GBE1: variants seen among roughly 807,000 people sequenced by gnomAD.
The protein encoded by GBE1 is 1,4-alpha-glucan branching enzyme 1.
Under a neutral mutation model 88.8 loss-of-function variants are expected in GBE1, and 70 were observed. The ratio of observed to expected loss-of-function variants is 0.79; its 90% CI spans 0.65 to 0.96. GBE1 has a LOEUF of 0.96. Ranked by LOEUF, GBE1 falls within the 40% of genes least tolerant of loss-of-function variation. The pLI is 0.00. For missense variants in GBE1, 872 were observed against 871.0 expected (o/e 1.00, Z -0.01); for synonymous variants, 284 against 300.1 (o/e 0.95, Z 0.56).
chr3:81,649,942 T>G, intron 3 of GBE1, 21 bp from the exon 4 acceptor site: 1 of 1,587,410 alleles, frequency 6.3e-7, no homozygotes, highest in Non-Finnish European at 8.6e-7. Context: ...AATGACATGT[T>G]ATTGCTTTAA....
At chr3:81,726,051 C>CT (rs113893173) in intron 1 of GBE1, among the ~76,000 whole-genome samples, 4,613 of 145,686 alleles carry the variant, frequency 0.032, 221 homozygotes, top group African/African-American at 0.099. Flanking sequence ...ATCAATAGGC[C>CT]TTTTTTTTTT....
Position 81,750,659 on chromosome 3 carries a change from G to GTATATA in GBE1, c.143+10710_143+10715dup, listed in dbSNP as rs1553696645. ...TATATATATATGTATATATATATAT[G>GTATATA]TATATATATATATACGTATATATAT... On this transcript the variant is annotated intron_variant, in intron 1 of 15. Coordinates refer to ENST00000429644, the MANE Select transcript of GBE1 (RefSeq NM_000158.4). 1.2e-3 allele frequency among the ~76,000 whole-genome samples: 42 copies of GTATATA among 35,296 alleles called. 2 individuals are homozygous for GTATATA. The East Asian group carries it at 0.018, about 15-fold the overall frequency. 23.2% of individuals were successfully genotyped at this position (35,296 alleles called of 152,430 possible).
At chr3:81,688,398 C>T (rs191533633) in intron 2 of GBE1, among the ~76,000 whole-genome samples, 16 of 152,028 alleles carry the variant, frequency 1.1e-4, no homozygotes, top group African/African-American at 3.9e-4. Context: ...CAGAATCACC[C>T]ACAGAATAAG....
chr3:81,750,538 CGTATATATATATGTATATAT>C (rs1706484078), intron 1 of GBE1, among the ~76,000 whole-genome samples: 1 of 67,830 alleles, frequency 1.5e-5, no homozygotes, highest in South Asian at 3.7e-4. Context: ...TATATATATA[CGTATATATATATGTATATAT>C]ATATGTATAT....
At chr3:81,618,843 T>A (rs535051458) in intron 7 of GBE1, among the ~76,000 whole-genome samples, 3 of 152,136 alleles carry the variant, frequency 2.0e-5, no homozygotes, top group East Asian at 3.8e-4. Flanking sequence ...TTATTGATGT[T>A]CCTTTAGTGA....
intron 1 of GBE1, among the ~76,000 whole-genome samples, chr3:81,740,055 T>A (rs1037869939): frequency 1.3e-4 from 20 of 151,736 alleles, no homozygotes; most frequent in African/African-American, 4.8e-4. Context: ...CAAGACCCCA[T>A]CTCTACAAAA....
intron 7 of GBE1, chr3:81,612,171 G>T (rs746410001): frequency 1.3e-5 from 4 of 297,288 alleles, no homozygotes; most frequent in East Asian, 9.0e-5. Flanking sequence ...TCAAGATTAC[G>T]TATCTACTAA....
At chr3:81,532,158 G>T (rs1703018566) in intron 14 of GBE1, among the ~76,000 whole-genome samples, 1 of 151,766 alleles carries the variant, frequency 6.6e-6, no homozygotes, top group East Asian at 2.0e-4. Flanking sequence ...GTGCCTCTTT[G>T]CTTGAAATAA....
chr3:81,588,181 GT>G (rs1354093437), intron 9 of GBE1, among the ~76,000 whole-genome samples: 3 of 151,234 alleles, frequency 2.0e-5, no homozygotes, highest in Admixed American at 2.0e-4. Flanking sequence ...AAAATAAAAT[GT>G]TTGCCAGTAA....
At chr3:81,624,798 G>C (rs1291345134) in intron 7 of GBE1, among the ~76,000 whole-genome samples, 1 of 152,088 alleles carries the variant, frequency 6.6e-6, no homozygotes, top group Non-Finnish European at 1.5e-5. Flanking sequence ...GGATGTTAAT[G>C]TACCCTGCAG....
At chr3:81,724,813 C>A (rs1471819094) in intron 1 of GBE1, among the ~76,000 whole-genome samples, 2 of 151,910 alleles carry the variant, frequency 1.3e-5, no homozygotes, top group East Asian at 3.9e-4. Flanking sequence ...ATATCTAAGC[C>A]CTCTAAAATA....
At chr3:81,536,235 C>T (rs377720934) in intron 13 of GBE1, among the ~76,000 whole-genome samples, 9 of 151,270 alleles carry the variant, frequency 5.9e-5, no homozygotes, top group Non-Finnish European at 1.2e-4. Flanking sequence ...ATCATAGACA[C>T]CAAAGTAAAA....
At chr3:81,592,903 C>A (rs1218494306) in intron 8 of GBE1, among the ~76,000 whole-genome samples, 1 of 152,172 alleles carries the variant, frequency 6.6e-6, no homozygotes, top group Non-Finnish European at 1.5e-5. Context: ...TTCCCAGGAA[C>A]ATTTCAAGTG....
At chr3:81,533,838 G>GT (rs1703039961) in intron 14 of GBE1, among the ~76,000 whole-genome samples, 3 of 152,034 alleles carry the variant, frequency 2.0e-5, no homozygotes, top group African/African-American at 4.8e-5. Flanking sequence ...GAAGGTGGGT[G>GT]ACACTTGGAG....
At chr3:81,548,828 T>C (rs886460571) in intron 12 of GBE1, among the ~76,000 whole-genome samples, 2 of 150,958 alleles carry the variant, frequency 1.3e-5, no homozygotes, top group Non-Finnish European at 3.0e-5. Flanking sequence ...ACTAAACTAA[T>C]GTAAGATTAA....
intron 12 of GBE1, among the ~76,000 whole-genome samples, chr3:81,539,214 T>C (rs1339241203): frequency 6.6e-6 from 1 of 151,992 alleles, no homozygotes; most frequent in African/African-American, 2.4e-5. Context: ...TACCATAGCA[T>C]GTTGTGCACA....
At chr3:81,648,737 C>T (rs940854907) in intron 5 of GBE1, 119 bp downstream of exon 5, 8 of 519,996 alleles carry the variant, frequency 1.5e-5, no homozygotes, top group African/African-American at 4.0e-5. Flanking sequence ...AAATAAAATG[C>T]CTTTCTATTA....
chr3:81,557,087 A>G (rs147566671), intron 12 of GBE1, among the ~76,000 whole-genome samples: 1 of 152,222 alleles, frequency 6.6e-6, no homozygotes, highest in African/African-American at 2.4e-5. Context: ...ATTGAGTAAC[A>G]AGTCAAAAAT....
chr3:81,662,127 G>T (rs1705040819), intron 3 of GBE1, among the ~76,000 whole-genome samples: 1 of 152,074 alleles, frequency 6.6e-6, no homozygotes, highest in Non-Finnish European at 1.5e-5. Context: ...CCGCCTCCCG[G>T]GTTCAAGCGA....
Sources: gnomAD v4.1 joint callset for allele counts (sites outside exome capture counted in the v4.1 genomes callset) on GRCh38, gnomAD v4.1.1 for gene constraint, MANE v1.5 for transcripts, NCBI Gene and HGNC (gene_info 2026-07-23, HGNC 2026-07-21) for gene names.